Variants in ALDH18A1 observed in about 807,000 individuals in gnomAD.
The protein encoded by ALDH18A1 is delta-1-pyrroline-5-carboxylate synthase.
Under a neutral mutation model 88.8 loss-of-function variants are expected in ALDH18A1, and 44 were observed. The observed-to-expected ratio is 0.50, with a 90% CI of 0.39 to 0.64. The LOEUF (loss-of-function observed/expected upper bound fraction) is 0.64, where lower values mean the gene tolerates loss of function less well. ALDH18A1 is among the 30% of genes least tolerant of loss of function. ALDH18A1 has a pLI of 0.00. For synonymous variants in ALDH18A1, 331 were observed against 372.1 expected (o/e 0.89, Z 1.27); for missense variants, 782 against 1,009.5 (o/e 0.77, Z 3.05).
chr10:95,642,850 G>GAA, intron 3 of ALDH18A1, 142 bp downstream of exon 3: 1 of 915,806 alleles, frequency 1.1e-6, no homozygotes, highest in Non-Finnish European at 1.7e-6. Flanking sequence ...TCTACAGTGG[G>GAA]AAACAGTTTT....
intron 3 of ALDH18A1, among the ~76,000 whole-genome samples, chr10:95,637,946 A>AT (rs1397833519): frequency 5.9e-5 from 9 of 151,474 alleles, no homozygotes; most frequent in Non-Finnish European, 1.3e-4. Context: ...GGGCAATAGA[A>AT]TGAGAGAGAT....
chr10:95,612,140 T>C (rs1018046698), intron 15 of ALDH18A1, among the ~76,000 whole-genome samples: 4 of 152,130 alleles, frequency 2.6e-5, no homozygotes, highest in Non-Finnish European at 5.9e-5. Context: ...GTGCCACATA[T>C]ACATTGCTAC....
chr10:95,630,626 G>A (rs1342314558), intron 7 of ALDH18A1, among the ~76,000 whole-genome samples: 5 of 152,084 alleles, frequency 3.3e-5, no homozygotes, highest in African/African-American at 4.8e-5. Context: ...CAGGAGAATC[G>A]CTTGAACCCA....
chr10:95,642,995 C>T lies in ALDH18A1; in HGVS notation c.300G>A (p.Glu100=). ...TAATTTCTATCTTGGCAATCACCTG[C>T]TCAACAATAGATGCCAAGCGCCCCA... ...LALGRLASIV[E]QVSVLQNQGR... is the part of the protein sequence containing the mutation. Residue 100 remains glutamate, a synonymous_variant, in exon 3 of 18, where the codon GAG becomes GAA. Transcript: ENST00000371224. 1 of 1,613,220 alleles carries T rather than the reference C, an allele frequency of 6.2e-7. No homozygotes were observed. The highest frequency in any genetic ancestry group is 8.5e-7 in the Non-Finnish European group (1 of 1,179,868).
chr10:95,625,302 T>C (rs908758805), intron 11 of ALDH18A1, 60 bp downstream of exon 11: 1 of 1,464,438 alleles, frequency 6.8e-7, no homozygotes, highest in African/African-American at 1.4e-5. Flanking sequence ...TTAGTAAAAC[T>C]AAAAACCAAA....
intron 17 of ALDH18A1, among the ~76,000 whole-genome samples, chr10:95,609,182 T>C (rs1041645978): frequency 1.3e-5 from 2 of 152,180 alleles, no homozygotes; most frequent in Non-Finnish European, 2.9e-5. Flanking sequence ...TTCTGGAGTT[T>C]TATATACTGG....
intron 8 of ALDH18A1, 82 bp downstream of exon 8, chr10:95,628,286 C>A: frequency 6.3e-7 from 1 of 1,597,044 alleles, no homozygotes; most frequent in Non-Finnish European, 8.6e-7. Flanking sequence ...CATTAACCCC[C>A]AAATAATTAC....
intron 1 of ALDH18A1, among the ~76,000 whole-genome samples, chr10:95,655,728 A>T (rs1429940328): frequency 6.6e-6 from 1 of 151,596 alleles, no homozygotes; most frequent in Non-Finnish European, 1.5e-5. Context: ...TCGTGTCTAG[A>T]TTTGTGTGAC....
In ALDH18A1 at chr10:95,627,562, G is replaced by T. The variant is rs2097862254; in HGVS notation, c.958C>A (p.Gln320Lys). The change falls in exon 9 of 18, where the codon CAA becomes AAA. Residue 320 changes from glutamine to lysine, a missense_variant. By Grantham distance (53) the Gln-to-Lys change is moderately conservative. This residue lies in a region of ALDH18A1 where 556 missense variants were observed against 654.5 expected (regional missense o/e 0.85). Transcript: ENST00000371224. ...GCAATAACAACAGAAGTGCCACCTTGCAAAGCCCAGAGGGCTGCTTTCACC... is the reference window on the plus strand; with the variant it reads ...GCAATAACAACAGAAGTGCCACCTTTCAAAGCCCAGAGGGCTGCTTTCACC... The part of the protein sequence containing the change: ...AKVKAALWAL[Q>K]GGTSVVIANG... 1.2e-6 allele frequency: 2 copies of T among 1,613,996 alleles called. No individual in the cohort carries two copies. The highest frequency in any genetic ancestry group is 1.7e-5 in the Admixed American group (1 of 59,992).
Position 95,632,459 on chromosome 10 carries a change from A to T in ALDH18A1, c.808+500T>A, listed in dbSNP as rs576727973. Among the ~76,000 whole-genome samples the T allele has an allele frequency of 5.9e-5, 9 of 152,328 alleles. No individual in the cohort carries two copies. In the South Asian group the frequency reaches 1.7e-3, roughly 28 times the overall value. ...CAGCTCACTGCAGCCTGGAACTCCC[A>T]GCTCCAAGTGAACCTTCTGCTTCAG... On this transcript the variant is annotated intron_variant, in intron 7 of 17. Coordinates refer to ENST00000371224, the MANE Select transcript of ALDH18A1 (RefSeq NM_002860.4).
chr10:95,608,447 T>C (rs2097826878), intron 17 of ALDH18A1, among the ~76,000 whole-genome samples: 2 of 152,262 alleles, frequency 1.3e-5, no homozygotes, highest in Admixed American at 1.3e-4. Context: ...GTGAGAATTA[T>C]TTCTCCAGGC....
rs2097881038 is a variant in ALDH18A1 at position 95,636,555 on chromosome 10, C to A, written c.558+538G>T. Among the ~76,000 whole-genome samples the A allele has an allele frequency of 2.6e-5, 4 of 152,296 alleles. No individual in the cohort carries two copies. The South Asian group carries it at 8.3e-4, about 32-fold the overall frequency. ...ATGTCTGATTTGTTCACCACAGTATCCCCAATGCCCAAGACTGCTAGGTAC... is the reference window on the plus strand; with the variant it reads ...ATGTCTGATTTGTTCACCACAGTATACCCAATGCCCAAGACTGCTAGGTAC... On this transcript the variant is annotated intron_variant, in intron 5 of 17. Coordinates refer to ENST00000371224, the MANE Select transcript of ALDH18A1 (RefSeq NM_002860.4).
chr10:95,627,654 A>T, intron 8 of ALDH18A1, 68 bp from the exon 9 acceptor site: 1 of 1,567,934 alleles, frequency 6.4e-7, no homozygotes. Flanking sequence ...TAAACTTGCA[A>T]AAAGATATAA....
intron 17 of ALDH18A1, among the ~76,000 whole-genome samples, chr10:95,608,133 A>G (rs2097826241): frequency 6.6e-6 from 1 of 152,246 alleles, no homozygotes; most frequent in African/African-American, 2.4e-5. Flanking sequence ...TGTTACTGTC[A>G]TTAATGCATT....
intron 8 of ALDH18A1, among the ~76,000 whole-genome samples, chr10:95,628,117 C>T (rs185870774): frequency 5.9e-5 from 9 of 152,282 alleles, no homozygotes; most frequent in Admixed American, 2.0e-4. Context: ...AATATATAGG[C>T]CCTGCCCTTG....
At chr10:95,607,325 T>TAC (rs2097824603) in intron 17 of ALDH18A1, among the ~76,000 whole-genome samples, 1 of 152,236 alleles carries the variant, frequency 6.6e-6, no homozygotes, top group African/African-American at 2.4e-5. Flanking sequence ...CCTCCTCAAA[T>TAC]ACTCTTTAAA....
rs11592809 is a variant in ALDH18A1, at chr10:95,607,060, T to A, written c.2207-117A>T. On this transcript the variant is annotated intron_variant, in intron 17 of 17. Coordinates refer to ENST00000371224, the MANE Select transcript of ALDH18A1 (RefSeq NM_002860.4). The stretch of plus-strand genomic sequence containing the variant: ...GGTACCCTCTCTTCCTGCTAACTCC[T>A]CATCCATCCTCCCCAGAAGAGCTGA... The A allele has an allele frequency of 3.6e-5, 36 of 1,013,896 alleles. No homozygotes were observed. In the African/African-American group the frequency reaches 4.3e-4, roughly 12 times the overall value. The allele number at this position is 1,013,896 out of a possible 1,614,324, so 62.8% of individuals were successfully genotyped here.
At position 95,637,264 on chromosome 10, in the gene ALDH18A1, A is replaced by T. The variant is rs1272327856; in HGVS notation, c.453+23T>A. 3.1e-6 allele frequency: 5 copies of T among 1,614,062 alleles called. No homozygotes were observed. The African/African-American group carries it at 4.0e-5, about 13-fold the overall frequency. On this transcript the variant is annotated intron_variant, in intron 4 of 17. Transcript: ENST00000371224. ...GAAGAAGACCTGAAGATCCATTTCA[A>T]TGTGTGGGGAAGCAGCACTCACCAT...
chr10:95,607,027 C>G (rs1163667010), intron 17 of ALDH18A1, 84 bp from the exon 18 acceptor site: 62 of 1,385,560 alleles, frequency 4.5e-5, no homozygotes, highest in Non-Finnish European at 5.9e-5. Context: ...GCTGCTTTCC[C>G]CTCACTTGGT....
Sources: allele counts gnomAD v4.1 joint callset (sites outside exome capture counted in the v4.1 genomes callset), GRCh38; gene constraint gnomAD v4.1.1; regional missense constraint gnomAD v4.1.1; transcripts MANE v1.5; gene names NCBI Gene and HGNC (gene_info 2026-07-23, HGNC 2026-07-21).